The following TTC17 variants were observed in gnomAD, a reference collection of about 807,000 sequenced individuals.
TTC17 encodes the protein tetratricopeptide repeat domain 17.
In TTC17, 58 loss-of-function variants were observed where a neutral mutation model predicts 143.8. The observed-to-expected ratio is 0.40, with a 90% CI of 0.33 to 0.50. The LOEUF (loss-of-function observed/expected upper bound fraction) is 0.50, where lower values mean the gene tolerates loss of function less well. Among genes scored for constraint, TTC17 ranks in the 20% least tolerant of loss-of-function variants. The pLI is 0.49. For synonymous variants in TTC17, 501 were observed against 497.8 expected, an observed-to-expected ratio of 1.01 and a Z score of -0.09; for missense variants, 1,273 against 1,392.5, an observed-to-expected ratio of 0.91 and a Z score of 1.37.
intron 2 of TTC17, among the ~76,000 whole-genome samples, chr11:43,383,831 C>A (rs993037651): frequency 6.6e-6 from 1 of 151,346 alleles, no homozygotes; most frequent in Admixed American, 6.6e-5. Flanking sequence ...TATTTACTGA[C>A]GAAAACCAAA....
chr11:43,451,745 C>T (rs944694799), intron 21 of TTC17, among the ~76,000 whole-genome samples: 1 of 152,104 alleles, frequency 6.6e-6, no homozygotes, highest in African/African-American at 2.4e-5. Flanking sequence ...CCTTTTCTTC[C>T]TCTGTGTGAT....
chr11:43,371,057 C>A (rs1389763279), intron 1 of TTC17, among the ~76,000 whole-genome samples: 1 of 151,320 alleles, frequency 6.6e-6, no homozygotes, highest in South Asian at 2.1e-4. Flanking sequence ...CTCAGGTGAT[C>A]TTTCTTTGTC....
chr11:43,477,441 C>A (rs754618513), intron 21 of TTC17, among the ~76,000 whole-genome samples: 4 of 152,134 alleles, frequency 2.6e-5, no homozygotes, highest in African/African-American at 9.7e-5. Flanking sequence ...TACCCAAAAC[C>A]AGGAACAAAA....
At chr11:43,411,870 C>G (rs1319020277) in intron 15 of TTC17, among the ~76,000 whole-genome samples, 2 of 152,056 alleles carry the variant, frequency 1.3e-5, no homozygotes, top group Non-Finnish European at 2.9e-5. Flanking sequence ...ATTTTTTATC[C>G]TCTGGCTTGG....
intron 1 of TTC17, among the ~76,000 whole-genome samples, chr11:43,361,441 A>C (rs1437742727): frequency 6.6e-6 from 1 of 152,252 alleles, no homozygotes; most frequent in Non-Finnish European, 1.5e-5. Flanking sequence ...CCTACCAAAC[A>C]TTGTAGCTTA....
chr11:43,396,665 A>G, intron 5 of TTC17, 44 bp from the exon 6 acceptor site: 2 of 1,205,368 alleles, frequency 1.7e-6, no homozygotes, highest in Non-Finnish European at 2.3e-6. Flanking sequence ...TCTAAGTTAA[A>G]CTGTCTTGAG....
At position 43,451,804 on chromosome 11, in the gene TTC17, G is replaced by A. The variant is rs558693230; in HGVS notation, c.3030+539G>A. 2.1e-4 allele frequency among the ~76,000 whole-genome samples: 32 copies of A among 152,098 alleles called. 1 individual carries two copies. The South Asian group carries it at 6.6e-3, about 32-fold the overall frequency. ...TTTAATTTAATTTTATTACTTTATG[G>A]CTAAGAATCTCTCTACTTTATTACT... On this transcript the variant is annotated intron_variant, in intron 21 of 23. Transcript: ENST00000039989.
At chr11:43,425,501 A>G (rs987813649) in intron 16 of TTC17, among the ~76,000 whole-genome samples, 2 of 152,160 alleles carry the variant, frequency 1.3e-5, no homozygotes, top group African/African-American at 2.4e-5. Flanking sequence ...AGCACCAACT[A>G]TGTAAACCCC....
At position 43,481,910 on chromosome 11, in the gene TTC17, A is replaced by C. The variant is rs1033872563; in HGVS notation, c.3031-8329A>C. On this transcript the variant is annotated intron_variant, in intron 21 of 23. Transcript: ENST00000039989. ...GTGCAGCCTCTGCCTCCTGGGTTCA[A>C]GTGATTCTCGTGCCTCAGCCTTCTG... is the stretch of plus-strand genomic sequence containing the variant. Among the ~76,000 whole-genome samples, 7 of 152,172 alleles carry C rather than the reference A, an allele frequency of 4.6e-5. No homozygotes were observed. In the South Asian group the frequency reaches 1.5e-3, roughly 32 times the overall value.
chr11:43,435,409 A>G (rs1375120579), intron 16 of TTC17: 1 of 152,192 alleles, frequency 6.6e-6, no homozygotes, highest in Non-Finnish European at 1.5e-5. Context: ...TGTTAGATAT[A>G]ACTATCTGGT....
chr11:43,492,274 C>G, intron 23 of TTC17, 111 bp downstream of exon 23: 1 of 1,386,420 alleles, frequency 7.2e-7, no homozygotes, highest in Non-Finnish European at 9.7e-7. Flanking sequence ...GTAAGCTTGT[C>G]TAAAATTGCT....
chr11:43,374,579 C>G (rs184915380), intron 1 of TTC17, among the ~76,000 whole-genome samples: 89 of 152,066 alleles, frequency 5.9e-4, no homozygotes, highest in East Asian at 1.9e-4. Flanking sequence ...AAAAACAACT[C>G]CATTAAAAAA....
intron 1 of TTC17, among the ~76,000 whole-genome samples, chr11:43,366,362 C>T (rs1012898413): frequency 1.3e-5 from 2 of 151,696 alleles, no homozygotes; most frequent in African/African-American, 4.8e-5. Context: ...AAAAATTAGC[C>T]GGGCATGGTG....
intron 16 of TTC17, among the ~76,000 whole-genome samples, chr11:43,442,724 G>A (rs1024615876): frequency 1.3e-5 from 2 of 152,124 alleles, no homozygotes; most frequent in African/African-American, 2.4e-5. Flanking sequence ...TTCCATAGGA[G>A]TCTTTATGTA....
chr11:43,441,792 A>G (rs1169540172), intron 16 of TTC17, among the ~76,000 whole-genome samples: 1 of 152,168 alleles, frequency 6.6e-6, no homozygotes, highest in Admixed American at 6.5e-5. Flanking sequence ...GTTTCCATTA[A>G]TGAAAGCCCC....
intron 16 of TTC17, among the ~76,000 whole-genome samples, chr11:43,425,174 G>A (rs1946997047): frequency 6.6e-6 from 1 of 152,058 alleles, no homozygotes; most frequent in Non-Finnish European, 1.5e-5. Flanking sequence ...GATGATTCTA[G>A]CTGGGCTTGG....
chr11:43,465,904 A>G (rs1222826235), intron 21 of TTC17, among the ~76,000 whole-genome samples: 1 of 152,228 alleles, frequency 6.6e-6, no homozygotes, highest in Non-Finnish European at 1.5e-5. Context: ...CCAAAAGCAC[A>G]GGCAACAAAT....
chr11:43,452,490 G>A (rs897611620), intron 21 of TTC17, among the ~76,000 whole-genome samples: 2 of 152,086 alleles, frequency 1.3e-5, no homozygotes, highest in African/African-American at 4.8e-5. Flanking sequence ...GACAGAGTGA[G>A]ACTCTGTCTC....
At chr11:43,461,346 T>TGCAGTCC (rs1377149282) in intron 21 of TTC17, among the ~76,000 whole-genome samples, 15 of 131,496 alleles carry the variant, frequency 1.1e-4, no homozygotes, top group Non-Finnish European at 2.3e-4. Flanking sequence ...ATTGCGCCAC[T>TGCAGTCC]GCAGTCCGCA....
Sources: gnomAD v4.1 joint callset for allele counts (sites outside exome capture counted in the v4.1 genomes callset) on GRCh38, gnomAD v4.1.1 for gene constraint, MANE v1.5 for transcripts, NCBI Gene and HGNC (gene_info 2026-07-23, HGNC 2026-07-21) for gene names.